CSMD1: variants seen among roughly 807,000 people sequenced by gnomAD.
CSMD1 encodes CUB and sushi domain-containing protein 1.
Under a neutral mutation model 417.5 loss-of-function variants are expected in CSMD1, and 213 were observed. The ratio of observed to expected loss-of-function variants is 0.51; its 90% CI spans 0.46 to 0.57. The LOEUF is 0.57. Among genes scored for constraint, CSMD1 ranks in the 20% least tolerant of loss-of-function variants. The probability of loss-of-function intolerance (pLI) is 0.00; values close to 1 mark genes in which losing one functional copy is unlikely to be tolerated. For synonymous variants in CSMD1, 2,862 were observed against 1,736.8 expected (o/e 1.65, Z -16.11); for missense variants, 6,923 against 4,529.7 (o/e 1.53, Z -15.17).
chr8:4,509,824 G>T (rs1239180642), intron 2 of CSMD1, among the ~76,000 whole-genome samples: 1 of 152,144 alleles, frequency 6.6e-6, no homozygotes, highest in Non-Finnish European at 1.5e-5. Context: ...GAAGCATTGG[G>T]ATGTTAAATT....
chr8:4,089,880 C>T (rs893832362), intron 3 of CSMD1, among the ~76,000 whole-genome samples: 3 of 152,064 alleles, frequency 2.0e-5, no homozygotes, highest in African/African-American at 7.2e-5. Flanking sequence ...GAAGTACCTG[C>T]AGAGCTGTGG....
At chr8:4,858,681 T>G (rs1056959995) in intron 1 of CSMD1, among the ~76,000 whole-genome samples, 4 of 150,614 alleles carry the variant, frequency 2.7e-5, no homozygotes, top group South Asian at 4.2e-4. Context: ...TCAAAGAGAA[T>G]AAAATACCTA....
At chr8:3,283,887 T>C (rs1039543132) in intron 26 of CSMD1, among the ~76,000 whole-genome samples, 28 of 152,380 alleles carry the variant, frequency 1.8e-4, no homozygotes, top group Middle Eastern at 3.4e-3. Context: ...AAGGTTCCAG[T>C]GGCATGCAAA....
chr8:4,529,679 T>G (rs1476698171), intron 2 of CSMD1, among the ~76,000 whole-genome samples: 1 of 152,050 alleles, frequency 6.6e-6, no homozygotes, highest in African/African-American at 2.4e-5. Context: ...AATTAGTTTT[T>G]AGTGTAAGTA....
intron 3 of CSMD1, among the ~76,000 whole-genome samples, chr8:4,214,491 T>TC (rs1459288267): frequency 6.6e-6 from 1 of 152,106 alleles, no homozygotes; most frequent in Non-Finnish European, 1.5e-5. Flanking sequence ...AGTGAAAGGG[T>TC]CTTCCTCTGT....
chr8:3,466,593 T>G (rs1433803788), intron 12 of CSMD1, among the ~76,000 whole-genome samples: 1 of 148,438 alleles, frequency 6.7e-6, no homozygotes, highest in Non-Finnish European at 1.5e-5. Context: ...TTTTTTTTTT[T>G]TTTTTTGTAT....
At chr8:4,738,704 T>A (rs1041703041) in intron 1 of CSMD1, among the ~76,000 whole-genome samples, 2 of 152,198 alleles carry the variant, frequency 1.3e-5, no homozygotes, top group Admixed American at 1.3e-4. Context: ...TAAATTTTCA[T>A]TGATATATTA....
intron 3 of CSMD1, among the ~76,000 whole-genome samples, chr8:4,215,952 T>A (rs1800643007): frequency 6.6e-6 from 1 of 152,152 alleles, no homozygotes; most frequent in Admixed American, 6.5e-5. Flanking sequence ...GCCAGTTTCT[T>A]TTGTTGGCAT....
chr8:3,660,403 T>A (rs1798351609), intron 7 of CSMD1, among the ~76,000 whole-genome samples: 1 of 151,946 alleles, frequency 6.6e-6, no homozygotes. Context: ...TATGTTGGCA[T>A]TTCTTATTGT....
chr8:3,260,464 G>A (rs1800977827), intron 26 of CSMD1, among the ~76,000 whole-genome samples: 1 of 151,934 alleles, frequency 6.6e-6, no homozygotes. Flanking sequence ...AGACTCCAGA[G>A]GAAAGACAGT....
chr8:3,821,027 C>T (rs1801706266), intron 5 of CSMD1, among the ~76,000 whole-genome samples: 1 of 152,170 alleles, frequency 6.6e-6, no homozygotes, highest in East Asian at 1.9e-4. Flanking sequence ...AGCGATTCTC[C>T]CGCCTCAGCC....
At chr8:4,150,302 T>A (rs755392433) in intron 3 of CSMD1, among the ~76,000 whole-genome samples, 1 of 152,128 alleles carries the variant, frequency 6.6e-6, no homozygotes, top group Non-Finnish European at 1.5e-5. Context: ...CTTCCTCAGC[T>A]CCCTGTTAGG....
chr8:4,614,858 C>A (rs1801387437), intron 2 of CSMD1, among the ~76,000 whole-genome samples: 1 of 151,638 alleles, frequency 6.6e-6, no homozygotes, highest in South Asian at 2.1e-4. Context: ...ATATGAAAAC[C>A]TAAAGATATA....
chr8:4,892,456 C>A (rs1804183611), intron 1 of CSMD1, among the ~76,000 whole-genome samples: 1 of 152,016 alleles, frequency 6.6e-6, no homozygotes, highest in South Asian at 2.1e-4. Context: ...AAAATAGGTT[C>A]ATGTCTTTTA....
intron 3 of CSMD1, among the ~76,000 whole-genome samples, chr8:4,304,396 T>C (rs949880258): frequency 4.6e-5 from 7 of 152,154 alleles, no homozygotes; most frequent in African/African-American, 1.7e-4. Flanking sequence ...ATAGAGAAAT[T>C]ATTACCATCT....
At chr8:2,950,429 G>T (rs1292533998) in intron 66 of CSMD1, 86 bp from the exon 67 acceptor site, 2 of 787,666 alleles carry the variant, frequency 2.5e-6, no homozygotes, top group Non-Finnish European at 4.5e-6. Flanking sequence ...ATGTGGTACG[G>T]AGATGATAAT....
intron 26 of CSMD1, among the ~76,000 whole-genome samples, chr8:3,275,904 T>A (rs536180994): frequency 6.6e-6 from 1 of 152,126 alleles, no homozygotes; most frequent in South Asian, 2.1e-4. Context: ...GTAATTTGAT[T>A]GTCTGAAGCC....
intron 2 of CSMD1, among the ~76,000 whole-genome samples, chr8:4,524,543 C>T (rs1284500834): frequency 2.1e-5 from 3 of 146,012 alleles, no homozygotes; most frequent in Admixed American, 6.8e-5. Flanking sequence ...CCTGCATTTT[C>T]ATGACCATTT....
intron 2 of CSMD1, among the ~76,000 whole-genome samples, chr8:4,575,224 A>G (rs1356844100): frequency 2.0e-5 from 3 of 152,222 alleles, no homozygotes; most frequent in African/African-American, 7.2e-5. Flanking sequence ...TCCTAAAAAT[A>G]CAGTTACTGT....
Sources: gnomAD v4.1 joint callset for allele counts (sites outside exome capture counted in the v4.1 genomes callset) on GRCh38, gnomAD v4.1.1 for gene constraint, MANE v1.5 for transcripts, NCBI Gene and HGNC (gene_info 2026-07-23, HGNC 2026-07-21) for gene names.